CNTNAP2: variants seen among roughly 807,000 people sequenced by gnomAD.
The protein encoded by CNTNAP2 is contactin associated protein 2.
A neutral mutation model predicts 155.2 loss-of-function variants in CNTNAP2; 98 were observed. The observed-to-expected ratio is 0.63, with a 90% CI of 0.54 to 0.75. CNTNAP2 has a LOEUF of 0.75. CNTNAP2 is among the 30% of genes least tolerant of loss of function. The pLI is 0.00. For missense variants in CNTNAP2, 1,727 were observed against 1,688.1 expected (o/e 1.02, Z -0.40); for synonymous variants, 651 against 631.2 (o/e 1.03, Z -0.47).
At chr7:147,960,753 T>C (rs1801104003) in intron 14 of CNTNAP2, among the ~76,000 whole-genome samples, 1 of 152,092 alleles carries the variant, frequency 6.6e-6, no homozygotes, top group African/African-American at 2.4e-5. Context: ...ACTCTCTCTC[T>C]GTCAAAGATG....
chr7:148,414,973 C>G lies in CNTNAP2; in HGVS notation c.3797-444C>G, dbSNP rs538548020. On this transcript the variant is annotated intron_variant, in intron 23 of 23. Coordinates refer to ENST00000361727, the MANE Select transcript of CNTNAP2 (RefSeq NM_014141.6). ...ATTAGGGTTCTTTCTATACATAGCTCTCTCGCGCGCCCACTCTATCTCCCC... is the reference window on the plus strand; with the variant it reads ...ATTAGGGTTCTTTCTATACATAGCTGTCTCGCGCGCCCACTCTATCTCCCC... 7.8e-4 allele frequency: 214 copies of G among 273,838 alleles called. 1 individual carries two copies. The highest frequency in any genetic ancestry group is 1.4e-3 in the Admixed American group (30 of 20,824). 17.0% of individuals were successfully genotyped at this position (273,838 alleles called of 1,614,324 possible). A position where few individuals can be genotyped will look rare whatever the true frequency, so the allele number is the denominator to read the frequency against.
At chr7:146,817,176 TA>T (rs1170135324) in intron 2 of CNTNAP2, among the ~76,000 whole-genome samples, 1 of 152,062 alleles carries the variant, frequency 6.6e-6, no homozygotes, top group Non-Finnish European at 1.5e-5. Flanking sequence ...CACACTGCTA[TA>T]AAGAAATACC....
At chr7:147,838,438 C>T (rs948624708) in intron 13 of CNTNAP2, among the ~76,000 whole-genome samples, 1 of 152,080 alleles carries the variant, frequency 6.6e-6, no homozygotes, top group Non-Finnish European at 1.5e-5. Flanking sequence ...GCAAATTTTC[C>T]AAACTTTTAT....
Position 146,905,821 on chromosome 7 carries a change from C to G in CNTNAP2, c.402+65917C>G, listed in dbSNP as rs917114547. On this transcript the variant is annotated intron_variant, in intron 3 of 23. Transcript: ENST00000361727. ...CAAGATGGCCGAATAGGAACAGCTCCGGGTCTACAGCTCCCAGCGTGAGCG... is the reference window on the plus strand; with the variant it reads ...CAAGATGGCCGAATAGGAACAGCTCGGGGTCTACAGCTCCCAGCGTGAGCG... Among the ~76,000 whole-genome samples, 9 of 152,310 alleles carry G rather than the reference C, an allele frequency of 5.9e-5. 1 individual carries two copies. In the South Asian group the frequency reaches 1.4e-3, roughly 25 times the overall value.
intron 21 of CNTNAP2, among the ~76,000 whole-genome samples, chr7:148,334,384 C>T (rs1014592437): frequency 6.6e-6 from 1 of 152,090 alleles, no homozygotes; most frequent in Non-Finnish European, 1.5e-5. Context: ...GGTGGCCTAC[C>T]ATGTAGTGAT....
chr7:146,599,859 A>T (rs1488707375), intron 1 of CNTNAP2, among the ~76,000 whole-genome samples: 1 of 152,050 alleles, frequency 6.6e-6, no homozygotes, highest in African/African-American at 2.4e-5. Context: ...TTTGAATGAA[A>T]TACTTAAGAA....
At chr7:148,387,668 A>G (rs934200765) in intron 22 of CNTNAP2, among the ~76,000 whole-genome samples, 8 of 152,120 alleles carry the variant, frequency 5.3e-5, no homozygotes, top group African/African-American at 1.7e-4. Context: ...TACCACTGCA[A>G]TTTAAAAGCT....
intron 2 of CNTNAP2, among the ~76,000 whole-genome samples, chr7:146,811,693 G>T (rs936105070): frequency 7.9e-5 from 12 of 152,040 alleles, no homozygotes; most frequent in African/African-American, 2.9e-4. Flanking sequence ...AGCTGTGTCT[G>T]CACCCAAATC....
intron 2 of CNTNAP2, among the ~76,000 whole-genome samples, chr7:146,826,260 G>A (rs1203955198): frequency 6.6e-6 from 1 of 152,036 alleles, no homozygotes; most frequent in Non-Finnish European, 1.5e-5. Context: ...AATAACTAAA[G>A]CTGTTTTTTG....
intron 1 of CNTNAP2, among the ~76,000 whole-genome samples, chr7:146,471,449 G>A (rs1030188428): frequency 3.9e-5 from 6 of 152,218 alleles, no homozygotes; most frequent in African/African-American, 1.4e-4. Context: ...AATCAACAAT[G>A]GAGAAATAGC....
chr7:148,185,022 C>A (rs1795094189), intron 18 of CNTNAP2, among the ~76,000 whole-genome samples: 1 of 152,210 alleles, frequency 6.6e-6, no homozygotes, highest in South Asian at 2.1e-4. Context: ...TCAAGAGCTG[C>A]TAGGAAATCC....
chr7:147,777,244 G>C (rs1161172541), intron 13 of CNTNAP2, among the ~76,000 whole-genome samples: 1 of 152,124 alleles, frequency 6.6e-6, no homozygotes, highest in Non-Finnish European at 1.5e-5. Flanking sequence ...AAATCCCCAT[G>C]TATCTCTTTA....
intron 13 of CNTNAP2, among the ~76,000 whole-genome samples, chr7:147,694,575 G>A (rs1340726045): frequency 2.0e-5 from 3 of 152,114 alleles, no homozygotes; most frequent in Non-Finnish European, 2.9e-5. Context: ...GTTTTTCAAA[G>A]AATTGGCCCA....
chr7:146,980,986 A>G (rs1034681713), intron 3 of CNTNAP2, among the ~76,000 whole-genome samples: 1 of 152,056 alleles, frequency 6.6e-6, no homozygotes, highest in African/African-American at 2.4e-5. Flanking sequence ...TATACACATC[A>G]CTTCTACTCA....
At chr7:148,215,107 A>G (rs2116753155) in intron 18 of CNTNAP2, among the ~76,000 whole-genome samples, 1 of 152,346 alleles carries the variant, frequency 6.6e-6, no homozygotes, top group East Asian at 1.9e-4. Flanking sequence ...GGACTCCGTA[A>G]CAGTGCCATG....
chr7:147,728,283 ACT>A (rs1796679195), intron 13 of CNTNAP2, among the ~76,000 whole-genome samples: 1 of 151,932 alleles, frequency 6.6e-6, no homozygotes, highest in African/African-American at 2.4e-5. Flanking sequence ...TAAATAAATA[ACT>A]CTAATTCTGT....
At chr7:147,210,868 G>A (rs1803131417) in intron 8 of CNTNAP2, among the ~76,000 whole-genome samples, 1 of 151,982 alleles carries the variant, frequency 6.6e-6, no homozygotes, top group South Asian at 2.1e-4. Flanking sequence ...TAATTTCCAT[G>A]TAATCATGTA....
chr7:147,333,949 C>T (rs376048728), intron 9 of CNTNAP2, among the ~76,000 whole-genome samples: 11 of 152,134 alleles, frequency 7.2e-5, no homozygotes, highest in Non-Finnish European at 1.6e-4. Flanking sequence ...GGGCCCTTCA[C>T]ATCAAAGCAG....
chr7:147,158,466 A>G (rs1801966798), intron 8 of CNTNAP2, among the ~76,000 whole-genome samples: 2 of 152,056 alleles, frequency 1.3e-5, no homozygotes, highest in African/African-American at 4.8e-5. Context: ...ACACATATCG[A>G]CTGTATTTGT....
Sources: gnomAD v4.1 joint callset for allele counts (sites outside exome capture counted in the v4.1 genomes callset) on GRCh38, gnomAD v4.1.1 for gene constraint, MANE v1.5 for transcripts, NCBI Gene and HGNC (gene_info 2026-07-23, HGNC 2026-07-21) for gene names.